The following TFPI variants were observed in gnomAD, a reference collection of about 807,000 sequenced individuals.
The protein encoded by TFPI is anti-convertin.
TFPI carries 15 observed loss-of-function variants against 34.6 expected under a neutral mutation model. The observed-to-expected ratio is 0.43, with a 90% CI of 0.29 to 0.67. The LOEUF (loss-of-function observed/expected upper bound fraction) is 0.67. TFPI is among the 30% of genes least tolerant of loss of function. The pLI, the probability that TFPI is intolerant of heterozygous loss-of-function variation, is 0.15. For missense variants in TFPI, 301 were observed against 364.0 expected (o/e 0.83, Z 1.41); for synonymous variants, 105 against 120.1 (o/e 0.87, Z 0.82).
chr2:187,552,304 A>G (rs1689124849), intron 1 of TFPI, among the ~76,000 whole-genome samples: 1 of 152,072 alleles, frequency 6.6e-6, no homozygotes, highest in Non-Finnish European at 1.5e-5. Context: ...TTAAGTCTCT[A>G]AAGTTGGCAT....
intron 1 of TFPI, among the ~76,000 whole-genome samples, chr2:187,536,402 C>G (rs2106279736): frequency 6.6e-6 from 1 of 152,322 alleles, no homozygotes; most frequent in South Asian, 2.1e-4. Flanking sequence ...AAGTTGGCTT[C>G]ATCCCTGGGA....
intron 1 of TFPI, among the ~76,000 whole-genome samples, chr2:187,530,505 A>C (rs1687906638): frequency 6.6e-6 from 1 of 152,212 alleles, no homozygotes; most frequent in Non-Finnish European, 1.5e-5. Flanking sequence ...TGTCAACATT[A>C]TCTCTTCACT....
At chr2:187,530,281 A>C (rs1687895447) in intron 1 of TFPI, among the ~76,000 whole-genome samples, 1 of 152,240 alleles carries the variant, frequency 6.6e-6, no homozygotes, top group Admixed American at 6.5e-5. Flanking sequence ...TAACTATGAA[A>C]GTACCCAGAA....
At chr2:187,474,952 A>G (rs1692278210) in intron 6 of TFPI, among the ~76,000 whole-genome samples, 1 of 152,164 alleles carries the variant, frequency 6.6e-6, no homozygotes, top group African/African-American at 2.4e-5. Flanking sequence ...TTTTGAGAAG[A>G]TAGAATATTT....
chr2:187,485,551 C>T (rs889925847), intron 4 of TFPI, among the ~76,000 whole-genome samples: 2 of 151,652 alleles, frequency 1.3e-5, no homozygotes, highest in African/African-American at 4.8e-5. Flanking sequence ...TCCTTTACTG[C>T]TGTGTCATTT....
intron 6 of TFPI, among the ~76,000 whole-genome samples, chr2:187,482,369 G>A (rs551593795): frequency 2.6e-5 from 4 of 151,846 alleles, no homozygotes; most frequent in Admixed American, 2.0e-4. Context: ...AACAAAATAC[G>A]AGTGAAAAAT....
chr2:187,497,132 A>G lies in TFPI; in HGVS notation c.122-54T>C, dbSNP rs1685539551. 2.7e-6 allele frequency: 4 copies of G among 1,456,854 alleles called. No homozygotes were observed. In the South Asian group the frequency reaches 5.0e-5, roughly 18 times the overall value. The allele number at this position is 1,456,854 out of a possible 1,614,324, so 90.2% of individuals were successfully genotyped here. ...TGTAATCTCCATCAACACTGTAATA[A>G]TGTTCTTTATTTCCTTTTTAATATG... On this transcript the variant is annotated intron_variant, in intron 2 of 7. Transcript: ENST00000233156.
chr2:187,508,639 TG>T (rs1686398199), intron 1 of TFPI, among the ~76,000 whole-genome samples: 1 of 152,234 alleles, frequency 6.6e-6, no homozygotes, highest in African/African-American at 2.4e-5. Context: ...GGAATGCTTG[TG>T]ATTTTTGTAT....
Position 187,466,169 on chromosome 2 carries a change from AAAT to A in TFPI, c.*764_*766del, listed in dbSNP as rs1691712033. On this transcript the variant is annotated 3_prime_UTR_variant, in exon 8 of 8. Coordinates refer to ENST00000233156, the MANE Select transcript of TFPI (RefSeq NM_006287.6). ...AAGCATAGTATTAAGAAGTACATAT[AAAT>A]AATTCCCTCTCGATTGCCATAAAAC... The A allele has an allele frequency of 6.6e-6, 1 of 152,166 alleles. No homozygotes were observed. Among genetic ancestry groups the A allele is most frequent in the Non-Finnish European group, 1.5e-5 (1 of 68,020 alleles). 9.4% of individuals were successfully genotyped at this position (152,166 alleles called of 1,614,324 possible).
chr2:187,482,871 T>G (rs886348884), intron 6 of TFPI, among the ~76,000 whole-genome samples: 5 of 151,946 alleles, frequency 3.3e-5, no homozygotes, highest in African/African-American at 1.2e-4. Flanking sequence ...AATTCTCCTT[T>G]CACATAATAG....
At chr2:187,475,876 C>A (rs557698931) in intron 6 of TFPI, among the ~76,000 whole-genome samples, 1 of 152,228 alleles carries the variant, frequency 6.6e-6, no homozygotes, top group Admixed American at 6.5e-5. Flanking sequence ...GAACTGATGT[C>A]CAAATTCCCT....
chr2:187,539,120 T>C (rs951154602), intron 1 of TFPI, among the ~76,000 whole-genome samples: 2 of 152,040 alleles, frequency 1.3e-5, no homozygotes, highest in African/African-American at 2.4e-5. Flanking sequence ...GTGTATGTTC[T>C]TTCAAACTTT....
At chr2:187,478,593 A>G in intron 6 of TFPI, 1 of 1,496,464 alleles carries the variant, frequency 6.7e-7, no homozygotes, top group Non-Finnish European at 8.9e-7. Context: ...TATGCATGTA[A>G]ATATTAAAAC....
intron 1 of TFPI, chr2:187,529,383 T>A (rs940549248): frequency 6.6e-6 from 1 of 152,218 alleles, no homozygotes; most frequent in Non-Finnish European, 1.5e-5. Flanking sequence ...GGCTAGAAAA[T>A]CCAAGATCAA....
chr2:187,536,620 C>A (rs1688272267), intron 1 of TFPI, among the ~76,000 whole-genome samples: 1 of 152,110 alleles, frequency 6.6e-6, no homozygotes, highest in Admixed American at 6.6e-5. Flanking sequence ...AAACTCACTG[C>A]CAATATCATA....
chr2:187,522,511 A>G (rs1687434674), intron 1 of TFPI, among the ~76,000 whole-genome samples: 1 of 152,104 alleles, frequency 6.6e-6, no homozygotes, highest in Non-Finnish European at 1.5e-5. Context: ...TGTTAACAAC[A>G]TGGTATTTTG....
rs11393601 is a variant in TFPI, at chr2:187,542,866, C to CAAAAA, written c.-3+11329_-3+11333dup. ...TGGGTGACAGGGTGAGACTTAGTCT[C>CAAAAA]AAAAAAAAAAAAAAAAAAATCTGGG... On this transcript the variant is annotated intron_variant, in intron 1 of 7. Coordinates refer to ENST00000233156, the MANE Select transcript of TFPI (RefSeq NM_006287.6). 7.4e-4 allele frequency among the ~76,000 whole-genome samples: 90 copies of CAAAAA among 121,722 alleles called. 1 individual carries two copies. The highest frequency in any genetic ancestry group is 2.8e-3 in the African/African-American group (88 of 31,196). The allele number at this position is 121,722 out of a possible 152,430, so 79.9% of individuals were successfully genotyped here.
intron 1 of TFPI, among the ~76,000 whole-genome samples, chr2:187,511,616 C>G (rs1233366168): frequency 1.3e-5 from 2 of 152,078 alleles, no homozygotes; most frequent in Non-Finnish European, 2.9e-5. Context: ...ATAGACTGGC[C>G]AGCATTAGAG....
chr2:187,480,281 G>T (rs1017750549), intron 6 of TFPI, among the ~76,000 whole-genome samples: 2 of 151,860 alleles, frequency 1.3e-5, no homozygotes, highest in African/African-American at 4.8e-5. Flanking sequence ...CTAAGGCCTG[G>T]TGAATTAAGT....
Sources: allele counts gnomAD v4.1 joint callset (sites outside exome capture counted in the v4.1 genomes callset), GRCh38; gene constraint gnomAD v4.1.1; transcripts MANE v1.5; gene names NCBI Gene and HGNC (gene_info 2026-07-23, HGNC 2026-07-21).